PMS2: variants seen among roughly 807,000 people sequenced by gnomAD.
PMS2 encodes PMS1 homolog 2, mismatch repair system component.
A neutral mutation model predicts 90.0 loss-of-function variants in PMS2; 69 were observed. That is an observed-to-expected ratio of 0.77 (90% CI 0.63 to 0.94). PMS2 has a LOEUF of 0.94. Ranked by LOEUF, PMS2 falls within the 40% of genes least tolerant of loss-of-function variation. The pLI is 0.00. For synonymous variants in PMS2, 332 were observed against 375.1 expected (o/e 0.89, Z 1.33); for missense variants, 966 against 1,040.2 (o/e 0.93, Z 0.98).
Position 5,987,250 on chromosome 7 carries a change from C to A in PMS2, c.1515G>T (p.Gly505=). 2 of 1,614,132 alleles carry A rather than the reference C, an allele frequency of 1.2e-6. No homozygotes were observed. The highest frequency in any genetic ancestry group is 1.7e-6 in the Non-Finnish European group (2 of 1,180,028). ...GACTGCCCGTGTCTGGGATGCTGAA[C>A]CCCTCAGAATCCACGGAAGTGCTGC... ...GHGSTSVDSE[G]FSIPDTGSHC... is the part of the protein sequence containing the mutation. Residue 505 remains glycine (G), a synonymous_variant, in exon 11 of 15, where the codon GGG becomes GGT. Coordinates refer to ENST00000265849, the MANE Select transcript of PMS2 (RefSeq NM_000535.7).
Position 6,008,993 on chromosome 7 carries a change from T to G in PMS2, c.23+4A>C, listed in dbSNP as rs1583435174. ...GACACCGGAAGACTGCGAGCCCCGC[T>G]CACCTCGAGCTCTCAGCTCGCTCCA... On this transcript the variant is annotated splice_donor_region_variant and intron_variant, in intron 1 of 14. Coordinates refer to ENST00000265849, the MANE Select transcript of PMS2 (RefSeq NM_000535.7). 1.9e-6 allele frequency: 3 copies of G among 1,612,636 alleles called. No individual in the cohort carries two copies. Among genetic ancestry groups the G allele is most frequent in the Non-Finnish European group, 2.5e-6 (3 of 1,179,836 alleles).
intron 11 of PMS2, among the ~76,000 whole-genome samples, chr7:5,983,370 A>G (rs544102295): frequency 6.6e-6 from 1 of 151,480 alleles, no homozygotes; most frequent in African/African-American, 2.4e-5. Context: ...TGGCCTCCCA[A>G]AGTGCTGGGA....
chr7:5,977,795 A>G (rs1196829338), intron 13 of PMS2, 38 bp from the exon 14 acceptor site: 2 of 1,579,282 alleles, frequency 1.3e-6, no homozygotes, highest in African/African-American at 1.4e-5. Flanking sequence ...CCATGACTTG[A>G]CAAACACGTT....
intron 7 of PMS2, among the ~76,000 whole-genome samples, chr7:5,996,513 A>G (rs1048133298): frequency 2.7e-5 from 4 of 150,488 alleles, no homozygotes; most frequent in African/African-American, 9.7e-5. Flanking sequence ...CAGAGGTTGC[A>G]GTGAGCCAAG....
chr7:6,005,474 G>T lies in PMS2; in HGVS notation c.163+418C>A, dbSNP rs146433026. On this transcript the variant is annotated intron_variant, in intron 2 of 14. Coordinates refer to ENST00000265849, the MANE Select transcript of PMS2 (RefSeq NM_000535.7). The stretch of plus-strand genomic sequence containing the variant: ...CCGCCTTGGCCTCCCAAAGTGCTGG[G>T]ATTACAGGCGTGAGCCACTATGCCT... Among the ~76,000 whole-genome samples the T allele has an allele frequency of 1.8e-3, 268 of 152,250 alleles. 2 individuals are homozygous for T. Among genetic ancestry groups the T allele is most frequent in the South Asian group, 3.9e-3 (19 of 4,826 alleles).
intron 8 of PMS2, 71 bp from the exon 9 acceptor site, chr7:5,992,128 T>A: frequency 1.2e-6 from 1 of 845,208 alleles, no homozygotes; most frequent in Non-Finnish European, 2.0e-6. Flanking sequence ...CTAACAACAT[T>A]CTATTCTAAC....
At chr7:6,004,383 T>C in intron 2 of PMS2, 1 of 228,912 alleles carries the variant, frequency 4.4e-6, no homozygotes, top group Non-Finnish European at 8.6e-6. Flanking sequence ...ACTTTGACCA[T>C]CCTTTTCTTT....
chr7:5,998,046 C>T (rs1379956513), intron 6 of PMS2, among the ~76,000 whole-genome samples: 3 of 150,960 alleles, frequency 2.0e-5, no homozygotes, highest in African/African-American at 4.9e-5. Context: ...ACATTCAGCT[C>T]TCAAACATCA....
intron 2 of PMS2, among the ~76,000 whole-genome samples, chr7:6,004,731 A>G (rs1043062660): frequency 4.6e-5 from 7 of 151,774 alleles, no homozygotes; most frequent in Non-Finnish European, 7.4e-5. Flanking sequence ...AAAAAAAAAA[A>G]AGAGAATGGG....
At chr7:5,978,454 A>T (rs1326043670) in intron 13 of PMS2, 142 bp downstream of exon 13, 2 of 939,796 alleles carry the variant, frequency 2.1e-6, no homozygotes, top group Non-Finnish European at 3.3e-6. Flanking sequence ...TATTTTCAGT[A>T]GAGATGGGGT....
At chr7:6,001,762 T>A (rs1338463020) in intron 5 of PMS2, among the ~76,000 whole-genome samples, 1 of 151,580 alleles carries the variant, frequency 6.6e-6, no homozygotes, top group African/African-American at 2.4e-5. Flanking sequence ...GGTGGGCAGA[T>A]CACCTGAGGT....
chr7:5,981,315 G>A (rs1341647648), intron 12 of PMS2, among the ~76,000 whole-genome samples: 3 of 149,498 alleles, frequency 2.0e-5, no homozygotes, highest in Non-Finnish European at 4.4e-5. Context: ...GCAGTGGCAC[G>A]ATCATGGCAG....
At chr7:5,992,149 G>C (rs550610110) in intron 8 of PMS2, 92 bp from the exon 9 acceptor site, 3 of 710,114 alleles carry the variant, frequency 4.2e-6, no homozygotes, top group Admixed American at 2.2e-5. Context: ...CAACCAGCAT[G>C]TTCTTAGAAG....
chr7:5,993,864 A>AG (rs1784063244), intron 8 of PMS2, among the ~76,000 whole-genome samples: 1 of 134,420 alleles, frequency 7.4e-6, no homozygotes, highest in Admixed American at 7.4e-5. Flanking sequence ...CTCTGTCTCA[A>AG]AAAAAAAAAA....
rs1219636582 is a variant in PMS2 at position 6,009,044 on chromosome 7, G to C, written c.-25C>G. On this transcript the variant is annotated 5_prime_UTR_variant, in exon 1 of 15. Transcript: ENST00000265849. ...TGGATGCAACACCCGATCCGCCTCGGGGACTGGGAAAGTTCCCTCCAGGGC... is the reference window on the plus strand; with the variant it reads ...TGGATGCAACACCCGATCCGCCTCGCGGACTGGGAAAGTTCCCTCCAGGGC... 1.9e-6 allele frequency: 3 copies of C among 1,612,208 alleles called. No homozygotes were observed. The highest frequency in any genetic ancestry group is 2.2e-5 in the East Asian group (1 of 44,896).
rs769967916 is a variant in PMS2 at position 5,999,154 on chromosome 7, C to A, written c.659G>T (p.Ser220Ile). 12 of 1,613,990 alleles carry A rather than the reference C, an allele frequency of 7.4e-6. No individual in the cohort carries two copies. The South Asian group carries it at 1.2e-4, about 16-fold the overall frequency. The change falls in exon 6 of 15, where the codon AGC (serine) becomes ATC (isoleucine). Residue 220 changes from serine to isoleucine, a missense_variant. By Grantham distance (142) the Ser-to-Ile change is moderately radical. Around this residue, in one of 2 missense-constraint regions of PMS2, gnomAD observed 871 missense variants for 802.4 expected, o/e 1.09. Transcript: ENST00000265849. Reference protein sequence around the residue: ...KRQPVVCTGGSPSIKENIGSV... With the variant: ...KRQPVVCTGGIPSIKENIGSV... ...GCCGATATTTTCCTTTATGCTGGGG[C>A]TTCCACCTGTGCATACCACAGGCTG...
rs876658931 is a variant in PMS2 at position 5,986,799 on chromosome 7, C to T, written c.1966G>A (p.Glu656Lys). Residue 656 changes from glutamate to lysine, a missense_variant, in exon 11 of 15, where the codon GAA becomes AAA. Coordinates refer to ENST00000265849, the MANE Select transcript of PMS2 (RefSeq NM_000535.7). ...RKFRAKICPG[E>K]NQAAEDELRK... ...AGTTCATCTTCGGCTGCTTGATTTT[C>T]TCCAGGACAAATCTTTGCCCTAAAC... 5.0e-6 allele frequency: 8 copies of T among 1,610,824 alleles called. No homozygotes were observed. Among genetic ancestry groups the T allele is most frequent in the Non-Finnish European group, 6.8e-6 (8 of 1,179,288 alleles).
intron 4 of PMS2, chr7:6,003,369 C>A (rs1785328617): frequency 5.0e-6 from 1 of 199,212 alleles, no homozygotes; most frequent in Non-Finnish European, 1.0e-5. Flanking sequence ...TTAAATAGTG[C>A]TTTGGTGAAA....
At chr7:5,998,412 T>C (rs538427212) in intron 6 of PMS2, among the ~76,000 whole-genome samples, 2 of 143,606 alleles carry the variant, frequency 1.4e-5, no homozygotes, top group South Asian at 5.0e-4. Context: ...CAATTCTTAA[T>C]CTGGGCGCAG....
Sources: allele counts gnomAD v4.1 joint callset (sites outside exome capture counted in the v4.1 genomes callset), GRCh38; gene constraint gnomAD v4.1.1; regional missense constraint gnomAD v4.1.1; transcripts MANE v1.5; gene names NCBI Gene and HGNC (gene_info 2026-07-23, HGNC 2026-07-21).